Variants in SOX5 observed in about 807,000 individuals in gnomAD.
SOX5 encodes SRY-box transcription factor 5.
In SOX5, 9 loss-of-function variants were observed where a neutral mutation model predicts 92.0. The observed-to-expected ratio is 0.10, with a 90% CI of 0.06 to 0.17. The LOEUF (loss-of-function observed/expected upper bound fraction) is 0.17, where lower values mean the gene tolerates loss of function less well. SOX5 is among the 10% of genes least tolerant of loss of function. SOX5 has a pLI of 1.00. For synonymous variants in SOX5, 344 were observed against 336.3 expected (o/e 1.02, Z -0.25); for missense variants, 642 against 944.5 (o/e 0.68, Z 4.20).
At position 23,810,246 on chromosome 12, in the gene SOX5, A is replaced by G. The variant is rs560997909; in HGVS notation, c.481+35737T>C. 5.3e-5 allele frequency among the ~76,000 whole-genome samples: 8 copies of G among 152,324 alleles called. No homozygotes were observed. The South Asian group carries it at 1.4e-3, about 28-fold the overall frequency. On this transcript the variant is annotated intron_variant, in intron 3 of 14. Coordinates refer to ENST00000451604, the MANE Select transcript of SOX5 (RefSeq NM_006940.6). ...TTATGTAACACACGACAGAATATAG[A>G]TAAGTGTGGCATGCAGCACACGGTT... is the stretch of plus-strand genomic sequence containing the variant.
intron 1 of SOX5, among the ~76,000 whole-genome samples, chr12:23,913,639 G>A (rs921747958): frequency 2.0e-5 from 3 of 151,896 alleles, no homozygotes; most frequent in South Asian, 4.2e-4. Flanking sequence ...AAGAGGCTAA[G>A]GCAGGAGAAT....
intron 1 of SOX5, among the ~76,000 whole-genome samples, chr12:23,910,328 G>T (rs191736837): frequency 5.9e-5 from 9 of 152,270 alleles, no homozygotes; most frequent in Admixed American, 5.9e-4. Flanking sequence ...GCAACTGTAA[G>T]ATATGATTCT....
intron 4 of SOX5, among the ~76,000 whole-genome samples, chr12:24,035,785 C>A (rs949833195): frequency 6.6e-6 from 1 of 151,886 alleles, no homozygotes; most frequent in Non-Finnish European, 1.5e-5. Context: ...TGCTGCCGTC[C>A]CCTTCTCTCA....
At chr12:23,581,167 C>T (rs1419709205) in intron 9 of SOX5, among the ~76,000 whole-genome samples, 3 of 151,948 alleles carry the variant, frequency 2.0e-5, no homozygotes, top group Non-Finnish European at 4.4e-5. Flanking sequence ...TCTCTCTCCC[C>T]ACTCCTTAGC....
chr12:24,269,694 T>TTTTC (rs1943457292), intron 3 of SOX5, among the ~76,000 whole-genome samples: 1 of 148,434 alleles, frequency 6.7e-6, no homozygotes, highest in East Asian at 1.9e-4. Context: ...TATTCTTTTT[T>TTTTC]TTTTTTTTTT....
At chr12:24,097,365 G>T (rs7959035) in intron 4 of SOX5, among the ~76,000 whole-genome samples, 3 of 151,966 alleles carry the variant, frequency 2.0e-5, no homozygotes, top group Non-Finnish European at 4.4e-5. Flanking sequence ...TAAACATTTT[G>T]TTTTTTTATA....
chr12:23,723,587 C>T (rs202004526), intron 6 of SOX5, among the ~76,000 whole-genome samples: 155 of 108,490 alleles, frequency 1.4e-3, no homozygotes, highest in Non-Finnish European at 1.4e-3. Flanking sequence ...TATATACACA[C>T]ACACACACAC....
At chr12:24,552,806 C>T (rs1258825567) in intron 1 of SOX5, among the ~76,000 whole-genome samples, 1 of 152,154 alleles carries the variant, frequency 6.6e-6, no homozygotes, top group Admixed American at 6.5e-5. Context: ...TCAAGACCAG[C>T]CTGGGCAACA....
chr12:23,663,536 G>A (rs1299218533), intron 7 of SOX5, among the ~76,000 whole-genome samples: 1 of 151,960 alleles, frequency 6.6e-6, no homozygotes, highest in Non-Finnish European at 1.5e-5. Context: ...TTCTGCAGTT[G>A]CTTTAAAAAA....
chr12:24,086,726 C>G (rs1413351572), intron 4 of SOX5, among the ~76,000 whole-genome samples: 1 of 151,880 alleles, frequency 6.6e-6, no homozygotes, highest in Non-Finnish European at 1.5e-5. Flanking sequence ...AGGAGACAGT[C>G]AAAACATTCA....
chr12:23,817,971 A>C (rs1816766409), intron 3 of SOX5, among the ~76,000 whole-genome samples: 2 of 152,224 alleles, frequency 1.3e-5, no homozygotes, highest in Non-Finnish European at 2.9e-5. Context: ...TCACACAAAA[A>C]ACAAAGGTTA....
intron 10 of SOX5, among the ~76,000 whole-genome samples, chr12:23,572,557 G>A (rs1380491338): frequency 6.6e-6 from 1 of 151,908 alleles, no homozygotes; most frequent in Non-Finnish European, 1.5e-5. Context: ...TTAATCTTTG[G>A]GAATGCTAAA....
At chr12:24,248,784 G>A (rs1939428899) in intron 3 of SOX5, among the ~76,000 whole-genome samples, 1 of 151,968 alleles carries the variant, frequency 6.6e-6, no homozygotes, top group Non-Finnish European at 1.5e-5. Flanking sequence ...CTCTCTCTCT[G>A]TATAAGCCTT....
intron 3 of SOX5, among the ~76,000 whole-genome samples, chr12:23,768,955 G>A (rs1057029902): frequency 1.3e-5 from 2 of 151,776 alleles, no homozygotes; most frequent in Non-Finnish European, 2.9e-5. Flanking sequence ...GTATAATGAG[G>A]GTATTAAATT....
intron 1 of SOX5, among the ~76,000 whole-genome samples, chr12:24,543,385 T>G (rs1469458048): frequency 6.6e-6 from 1 of 152,248 alleles, no homozygotes; most frequent in African/African-American, 2.4e-5. Flanking sequence ...TATTTTAAAT[T>G]ACTATGAAGA....
At chr12:23,548,342 T>G (rs60948321) in intron 11 of SOX5, among the ~76,000 whole-genome samples, 4,833 of 152,098 alleles carry the variant, frequency 0.032, 285 homozygotes, top group African/African-American at 0.11. Context: ...AAAGTCACAC[T>G]CAGTTTTTAC....
At chr12:23,665,093 C>A (rs1023597989) in intron 7 of SOX5, among the ~76,000 whole-genome samples, 3 of 152,084 alleles carry the variant, frequency 2.0e-5, no homozygotes, top group Admixed American at 6.6e-5. Flanking sequence ...CCAACTCATT[C>A]ATGTTAGGGA....
intron 6 of SOX5, among the ~76,000 whole-genome samples, chr12:23,678,188 A>T (rs1292841079): frequency 6.6e-6 from 1 of 152,180 alleles, no homozygotes; most frequent in Non-Finnish European, 1.5e-5. Context: ...TCATTTATGT[A>T]ATCATGAGTT....
chr12:24,551,259 T>C (rs1337267765), intron 1 of SOX5, among the ~76,000 whole-genome samples: 2 of 152,184 alleles, frequency 1.3e-5, no homozygotes, highest in African/African-American at 4.8e-5. Context: ...ATAGCTAATA[T>C]TAGCAAGACA....
Sources: gnomAD v4.1 joint callset for allele counts (sites outside exome capture counted in the v4.1 genomes callset) on GRCh38, gnomAD v4.1.1 for gene constraint, MANE v1.5 for transcripts, NCBI Gene and HGNC (gene_info 2026-07-23, HGNC 2026-07-21) for gene names.